KCNMA1: variants seen among roughly 807,000 people sequenced by gnomAD.
KCNMA1 encodes the protein potassium calcium-activated channel subfamily M alpha 1, also known as Calcium-activated potassium channel subunit alpha-1.
Under a neutral mutation model 140.0 loss-of-function variants are expected in KCNMA1, and 29 were observed. That is an observed-to-expected ratio of 0.21 (90% CI 0.15 to 0.28). KCNMA1 has a LOEUF of 0.28. KCNMA1 is among the 10% of genes least tolerant of loss of function. The pLI is 1.00. For missense variants in KCNMA1, 880 were observed against 1,602.2 expected, an observed-to-expected ratio of 0.55 and a Z score of 7.70; for synonymous variants, 612 against 611.9, an observed-to-expected ratio of 1.00 and a Z score of 0.00.
Position 77,440,798 on chromosome 10 carries a change from A to C in KCNMA1, c.379-36775T>G, listed in dbSNP as rs115333665. ...AGAGTAGGGCAGAAAGCATTCCAGC[A>C]AGAATCAAAATTCTTTTTTTGTTTT... On this transcript the variant is annotated intron_variant, in intron 1 of 27. Coordinates refer to ENST00000286628, the MANE Select transcript of KCNMA1 (RefSeq NM_001161352.2). Among the ~76,000 whole-genome samples, 712 of 152,224 alleles carry C rather than the reference A, an allele frequency of 4.7e-3. 4 individuals carry two copies. Among genetic ancestry groups the C allele is most frequent in the African/African-American group, 0.016 (666 of 41,558 alleles).
chr10:77,007,643 T>TGG (rs2089323589), intron 18 of KCNMA1, among the ~76,000 whole-genome samples: 1 of 79,480 alleles, frequency 1.3e-5, no homozygotes, highest in Non-Finnish European at 2.5e-5. Flanking sequence ...ATGGTACATA[T>TGG]TGTGTGTGTG....
rs559780988 is a variant in KCNMA1, at chr10:77,430,806, C to T, written c.379-26783G>A. On this transcript the variant is annotated intron_variant, in intron 1 of 27. Coordinates refer to ENST00000286628, the MANE Select transcript of KCNMA1 (RefSeq NM_001161352.2). The stretch of plus-strand genomic sequence containing the variant: ...GATTCGTCTTTGTATCAATGCAATA[C>T]ATCTTTGTATTGTGGCGAGCACAGA... 3.3e-5 allele frequency among the ~76,000 whole-genome samples: 5 copies of T among 152,324 alleles called. No homozygotes were observed. In the South Asian group the frequency reaches 1.0e-3, roughly 32 times the overall value.
intron 1 of KCNMA1, among the ~76,000 whole-genome samples, chr10:77,406,491 A>G (rs1603482262): frequency 6.6e-6 from 1 of 152,314 alleles, no homozygotes; most frequent in African/African-American, 2.4e-5. Context: ...TAAGCACACC[A>G]GAGGGCTTGT....
intron 1 of KCNMA1, among the ~76,000 whole-genome samples, chr10:77,442,921 A>T (rs1384031754): frequency 6.6e-6 from 1 of 152,066 alleles, no homozygotes; most frequent in African/African-American, 2.4e-5. Flanking sequence ...TTTAATCTCC[A>T]TCACCTTCCC....
downstream of KCNMA1, among the ~76,000 whole-genome samples, chr10:76,880,889 C>G (rs79896442): frequency 0.015 from 2,330 of 152,186 alleles, 29 homozygotes; most frequent in East Asian, 0.06. Context: ...GGCAATTGAT[C>G]GGGGTGGGAG....
intron 16 of KCNMA1, chr10:77,020,683 G>A (rs1024101553): frequency 6.6e-5 from 10 of 152,186 alleles, no homozygotes; most frequent in Admixed American, 5.2e-4. Flanking sequence ...AGGGTGAAGT[G>A]TTAGAGCTCA....
chr10:76,883,820 G>A (rs769141035), downstream of KCNMA1, among the ~76,000 whole-genome samples: 1 of 147,700 alleles, frequency 6.8e-6, no homozygotes, highest in Non-Finnish European at 1.5e-5. Context: ...ATGTTCTACT[G>A]AAAGAGGAAG....
chr10:76,999,791 C>T (rs1317162681), intron 19 of KCNMA1, among the ~76,000 whole-genome samples: 2 of 152,174 alleles, frequency 1.3e-5, no homozygotes, highest in Admixed American at 6.5e-5. Flanking sequence ...AATCCTGTCC[C>T]TTGGCACTGC....
chr10:76,907,057 T>C (rs1308566980), intron 25 of KCNMA1, among the ~76,000 whole-genome samples: 1 of 152,214 alleles, frequency 6.6e-6, no homozygotes, highest in Non-Finnish European at 1.5e-5. Context: ...GATTCGATAG[T>C]GTAGCTAAAG....
At chr10:77,555,886 T>G (rs564053524) in intron 1 of KCNMA1, among the ~76,000 whole-genome samples, 1 of 152,342 alleles carries the variant, frequency 6.6e-6, no homozygotes, top group African/African-American at 2.4e-5. Flanking sequence ...ATTAACTAGG[T>G]AAACCCTGGA....
At chr10:77,431,681 T>TAAAAAAAAAA (rs71028276) in intron 1 of KCNMA1, among the ~76,000 whole-genome samples, 4 of 75,438 alleles carry the variant, frequency 5.3e-5, no homozygotes, top group African/African-American at 9.7e-5. Flanking sequence ...TGGTCTGTTG[T>TAAAAAAAAAA]AAAAAAAAAA....
intron 2 of KCNMA1, among the ~76,000 whole-genome samples, chr10:77,329,444 G>C (rs1404835870): frequency 6.6e-6 from 1 of 152,162 alleles, no homozygotes; most frequent in Non-Finnish European, 1.5e-5. Flanking sequence ...CTTCTGCCAG[G>C]TGAGGACACA....
rs575080115 is a variant in KCNMA1, at chr10:77,102,238, A to T, written c.1223+6243T>A. On this transcript the variant is annotated intron_variant, in intron 9 of 27. Coordinates refer to ENST00000286628, the MANE Select transcript of KCNMA1 (RefSeq NM_001161352.2). ...ATGAGTCTTTGTAAATAAATGATCC[A>T]TGCTCTGGCACACTAGACAATTTAA... is the stretch of plus-strand genomic sequence containing the variant. Among the ~76,000 whole-genome samples, 101 of 152,336 alleles carry T rather than the reference A, an allele frequency of 6.6e-4. 3 individuals are homozygous for T. In the South Asian group the frequency reaches 0.02, roughly 30 times the overall value.
At chr10:77,404,444 T>G (rs150386534) in intron 1 of KCNMA1, among the ~76,000 whole-genome samples, 85 of 152,180 alleles carry the variant, frequency 5.6e-4, no homozygotes, top group Middle Eastern at 3.4e-3. Flanking sequence ...CATGCTCGGC[T>G]AATTTTTGTA....
At chr10:77,432,688 T>C (rs1325345446) in intron 1 of KCNMA1, among the ~76,000 whole-genome samples, 1 of 152,206 alleles carries the variant, frequency 6.6e-6, no homozygotes, top group East Asian at 1.9e-4. Flanking sequence ...CAATGTTGTG[T>C]TTCTTCCATA....
intron 1 of KCNMA1, among the ~76,000 whole-genome samples, chr10:77,631,948 A>G (rs115848384): frequency 0.019 from 2,898 of 152,254 alleles, 93 homozygotes; most frequent in African/African-American, 0.066. Context: ...GGTGAAAAAA[A>G]CCACCCCATG....
intron 1 of KCNMA1, among the ~76,000 whole-genome samples, chr10:77,410,559 T>C (rs1232365736): frequency 1.3e-5 from 2 of 152,154 alleles, no homozygotes; most frequent in Middle Eastern, 3.2e-3. Flanking sequence ...GGAAGAAAAA[T>C]ACTTTTCAAA....
intron 2 of KCNMA1, among the ~76,000 whole-genome samples, chr10:77,256,169 A>AG (rs2060707573): frequency 6.6e-6 from 1 of 152,150 alleles, no homozygotes; most frequent in South Asian, 2.1e-4. Context: ...GTGAGTATAG[A>AG]GGTGATTGAG....
At chr10:77,571,493 T>C (rs2071291728) in intron 1 of KCNMA1, among the ~76,000 whole-genome samples, 1 of 152,204 alleles carries the variant, frequency 6.6e-6, no homozygotes, top group Admixed American at 6.5e-5. Context: ...AGACTTATGA[T>C]TACAAATTCT....
Sources: gnomAD v4.1 joint callset for allele counts (sites outside exome capture counted in the v4.1 genomes callset) on GRCh38, gnomAD v4.1.1 for gene constraint, MANE v1.5 for transcripts, NCBI Gene and HGNC (gene_info 2026-07-23, HGNC 2026-07-21) for gene names.